SNTG1: variants seen among roughly 807,000 people sequenced by gnomAD.
SNTG1 encodes gamma-1-syntrophin.
Under a neutral mutation model 74.7 loss-of-function variants are expected in SNTG1, and 39 were observed. The observed-to-expected ratio is 0.52, with a 90% confidence interval of 0.40 to 0.68. SNTG1 has a LOEUF of 0.68. Among genes scored for constraint, SNTG1 ranks in the 30% least tolerant of loss-of-function variants. SNTG1 has a pLI of 0.00. For missense variants in SNTG1, 685 were observed against 609.5 expected, an observed-to-expected ratio of 1.12 and a Z score of -1.30; for synonymous variants, 254 against 217.1, an observed-to-expected ratio of 1.17 and a Z score of -1.49.
chr8:50,364,810 C>A (rs2131098508), intron 2 of SNTG1, among the ~76,000 whole-genome samples: 1 of 151,964 alleles, frequency 6.6e-6, no homozygotes, highest in African/African-American at 2.4e-5. Flanking sequence ...TTTTTTATTG[C>A]AGTAATCATT....
At position 50,459,081 on chromosome 8, in the gene SNTG1, G is replaced by A. The variant is rs185145766; in HGVS notation, c.363+8352G>A. Among the ~76,000 whole-genome samples the A allele has an allele frequency of 1.3e-4, 20 of 152,242 alleles. No individual in the cohort carries two copies. In the East Asian group the frequency reaches 3.9e-3, roughly 29 times the overall value. ...TATTTATGTCTAGGTTCAATTTTGA[G>A]TTAACTTTCGTATACAGTAAGGTAA... On this transcript the variant is annotated intron_variant, in intron 8 of 18. Transcript: ENST00000642720.
chr8:49,953,190 G>A (rs1809875251), intron 1 of SNTG1, among the ~76,000 whole-genome samples: 1 of 152,186 alleles, frequency 6.6e-6, no homozygotes, highest in African/African-American at 2.4e-5. Context: ...AACAAAGTAA[G>A]GAGAAACCAG....
intron 2 of SNTG1, among the ~76,000 whole-genome samples, chr8:50,235,038 G>C (rs949980969): frequency 6.6e-6 from 1 of 152,082 alleles, no homozygotes; most frequent in African/African-American, 2.4e-5. Flanking sequence ...AGGTTAGCTT[G>C]GTTAGTTGAC....
intron 12 of SNTG1, chr8:50,568,812 A>G (rs1219781268): frequency 6.6e-6 from 1 of 152,164 alleles, no homozygotes; most frequent in Non-Finnish European, 1.5e-5. Flanking sequence ...GAAGCCTTTT[A>G]GTTCAAAGCA....
At chr8:50,548,295 G>A (rs920636444) in intron 11 of SNTG1, among the ~76,000 whole-genome samples, 33 of 152,114 alleles carry the variant, frequency 2.2e-4, no homozygotes, top group African/African-American at 8.0e-4. Context: ...CTCAGTCTAG[G>A]CAATGCAGCT....
intron 8 of SNTG1, among the ~76,000 whole-genome samples, chr8:50,482,724 A>G (rs1215707621): frequency 6.6e-6 from 1 of 152,198 alleles, no homozygotes; most frequent in Non-Finnish European, 1.5e-5. Context: ...TGGCCTCTGA[A>G]AAATGCAATT....
chr8:50,271,208 A>T (rs1380790), intron 2 of SNTG1, among the ~76,000 whole-genome samples: 72,821 of 152,018 alleles, frequency 0.48, 19,672 homozygotes, highest in East Asian at 0.83. Flanking sequence ...CTTTTGGTAT[A>T]TCATCCCTAA....
chr8:50,319,455 A>G (rs999678634), intron 2 of SNTG1, among the ~76,000 whole-genome samples: 8 of 152,216 alleles, frequency 5.3e-5, no homozygotes, highest in Non-Finnish European at 1.2e-4. Flanking sequence ...TATCAGTTCT[A>G]ATAGTTTTTT....
intron 14 of SNTG1, among the ~76,000 whole-genome samples, chr8:50,657,314 G>A (rs2095189145): frequency 6.6e-6 from 1 of 151,954 alleles, no homozygotes; most frequent in Admixed American, 6.6e-5. Flanking sequence ...TGGGAAAGGA[G>A]ATTTTAAGAA....
At chr8:50,730,638 G>A (rs1028110618) in intron 17 of SNTG1, among the ~76,000 whole-genome samples, 4 of 152,110 alleles carry the variant, frequency 2.6e-5, no homozygotes, top group Admixed American at 2.6e-4. Flanking sequence ...CATTCATAAG[G>A]ATATGTTGTC....
At chr8:50,350,884 A>G (rs1001831009) in intron 2 of SNTG1, among the ~76,000 whole-genome samples, 2 of 152,208 alleles carry the variant, frequency 1.3e-5, no homozygotes, top group Non-Finnish European at 2.9e-5. Context: ...GGGTGGGGCC[A>G]GATAAGAGAA....
chr8:50,261,455 C>T (rs1158452424), intron 2 of SNTG1, among the ~76,000 whole-genome samples: 1 of 151,876 alleles, frequency 6.6e-6, no homozygotes, highest in Non-Finnish European at 1.5e-5. Flanking sequence ...ATATAGTTTT[C>T]AAAATGAAAA....
chr8:49,998,201 T>A (rs1008605980), intron 1 of SNTG1, among the ~76,000 whole-genome samples: 19 of 152,196 alleles, frequency 1.2e-4, no homozygotes, highest in Admixed American at 1.1e-3. Flanking sequence ...AATAACGGTA[T>A]GCTTATATTG....
intron 4 of SNTG1, among the ~76,000 whole-genome samples, chr8:50,427,725 C>G (rs1276228861): frequency 5.9e-5 from 9 of 152,298 alleles, no homozygotes; most frequent in Admixed American, 5.9e-4. Flanking sequence ...CTGCACCCAG[C>G]CTCAAATACA....
intron 17 of SNTG1, among the ~76,000 whole-genome samples, chr8:50,728,058 A>G (rs1423716716): frequency 6.6e-6 from 1 of 152,054 alleles, no homozygotes; most frequent in Non-Finnish European, 1.5e-5. Context: ...TCCCCATTTG[A>G]GCAGCTGGGA....
rs16914395 is a variant in SNTG1 at position 50,175,909 on chromosome 8, G to T, written c.-28+3274G>T. ...ATGCTCATATTTGCCCACATTTAAA[G>T]CTAGGCTGGCTTCACATTGGAATTG... On this transcript the variant is annotated intron_variant, in intron 2 of 18. Coordinates refer to ENST00000642720, the MANE Select transcript of SNTG1 (RefSeq NM_018967.5). 8.1e-3 allele frequency among the ~76,000 whole-genome samples: 1,233 copies of T among 151,972 alleles called. 19 individuals are homozygous for T. The highest frequency in any genetic ancestry group is 0.029 in the African/African-American group (1,188 of 41,428).
Position 50,010,138 on chromosome 8 carries a change from A to G in SNTG1, c.-103+97907A>G, listed in dbSNP as rs555402710. 1.7e-4 allele frequency among the ~76,000 whole-genome samples: 26 copies of G among 152,318 alleles called. 1 individual carries two copies. Among genetic ancestry groups the G allele is most frequent in the South Asian group, 6.2e-4 (3 of 4,830 alleles). ...AAAGAAAGCCACTAACATGTATACA[A>G]TTAAGGATTTTGCTCTTAGTAGTCT... On this transcript the variant is annotated intron_variant, in intron 1 of 18. Transcript: ENST00000642720.
At chr8:50,450,195 C>G (rs1314063104) in intron 6 of SNTG1, among the ~76,000 whole-genome samples, 1 of 152,176 alleles carries the variant, frequency 6.6e-6, no homozygotes, top group Non-Finnish European at 1.5e-5. Context: ...TAAAAATGAA[C>G]TTGGAGCCAA....
At chr8:50,376,762 G>T (rs866521836) in intron 2 of SNTG1, among the ~76,000 whole-genome samples, 1,588 of 130,954 alleles carry the variant, frequency 0.012, 11 homozygotes, top group African/African-American at 0.018. Flanking sequence ...TATATAGAGA[G>T]AGAGAGAGAG....
Sources: gnomAD v4.1 joint callset for allele counts (sites outside exome capture counted in the v4.1 genomes callset) on GRCh38, gnomAD v4.1.1 for gene constraint, MANE v1.5 for transcripts, NCBI Gene and HGNC (gene_info 2026-07-23, HGNC 2026-07-21) for gene names.